The following GLRX2 variants were observed in gnomAD, a reference collection of about 807,000 sequenced individuals.
GLRX2 encodes the protein bA101E13.1 (GRX2 glutaredoxin (thioltransferase) 2).
GLRX2 carries 12 observed loss-of-function variants against 16.4 expected under a neutral mutation model. The observed-to-expected ratio is 0.73, with a 90% CI of 0.47 to 1.19. GLRX2 has a LOEUF of 1.19. Among genes scored for constraint, GLRX2 ranks in the 50% most tolerant of loss-of-function variants. The pLI, the probability that GLRX2 is intolerant of heterozygous loss-of-function variation, is 0.00. For missense variants in GLRX2, 201 were observed against 201.8 expected (o/e 1.00, Z 0.02); for synonymous variants, 95 against 76.2 (o/e 1.25, Z -1.28).
chr1:193,097,586 T>C lies in GLRX2; in HGVS notation c.358A>G (p.Thr120Ala). 1 of 1,604,882 alleles carries C rather than the reference T, an allele frequency of 6.2e-7. No homozygotes were observed. Among genetic ancestry groups the C allele is most frequent in the Non-Finnish European group, 8.5e-7 (1 of 1,176,140 alleles). The change falls in exon 3 of 4, where the codon ACT becomes GCT. Residue 120 changes from threonine to alanine, a missense_variant and splice_region_variant. Coordinates refer to ENST00000367439, the MANE Select transcript of GLRX2 (RefSeq NM_197962.3). ...DALYKMTGER[T>A]VPRIFVNGTF... ...AGCACCACAGAGGATATACTCACAGTTCTTTCACCAGTCATTTTGTAAAGA... is the reference window on the plus strand; with the variant it reads ...AGCACCACAGAGGATATACTCACAGCTCTTTCACCAGTCATTTTGTAAAGA...
At chr1:193,098,235 T>C (rs1002336274) in intron 2 of GLRX2, among the ~76,000 whole-genome samples, 1 of 152,176 alleles carries the variant, frequency 6.6e-6, no homozygotes, top group Non-Finnish European at 1.5e-5. Flanking sequence ...TCCAGATATT[T>C]AATCTCCATT....
intron 2 of GLRX2, among the ~76,000 whole-genome samples, 184 bp from the exon 3 acceptor site, chr1:193,097,944 AAAG>A (rs1421329272): frequency 1.3e-5 from 2 of 152,218 alleles, no homozygotes; most frequent in African/African-American, 4.8e-5. Flanking sequence ...TTATTAGAAA[AAAG>A]ATATAACAAA....
Position 193,096,596 on chromosome 1 carries a change from C to A in GLRX2, c.*29G>T, listed in dbSNP as rs1303665527. 1.5e-6 allele frequency: 2 copies of A among 1,376,404 alleles called. No individual in the cohort carries two copies. Among genetic ancestry groups the A allele is most frequent in the Non-Finnish European group, 2.0e-6 (2 of 984,164 alleles). 85.3% of individuals were successfully genotyped at this position (1,376,404 alleles called of 1,614,324 possible). A position where few individuals can be genotyped will look rare whatever the true frequency, so the allele number is the denominator to read the frequency against. ...GCATTACCACTTTAAATAACTGACA[C>A]TGTACTAGCAAACTTATTAGTATAA... On this transcript the variant is annotated 3_prime_UTR_variant, in exon 4 of 4. Coordinates refer to ENST00000367439, the MANE Select transcript of GLRX2 (RefSeq NM_197962.3).
rs1675174334 is a variant in GLRX2, at chr1:193,105,392, C to A, written c.-10G>T. ...CGCGGCGCCAAATCATGGTCAGAGC[C>A]CGGATCTGCAGCGAGCTCTACTGCC... On this transcript the variant is annotated 5_prime_UTR_variant, in exon 1 of 4. Transcript: ENST00000367439. 6.5e-7 allele frequency: 1 copy of A among 1,535,644 alleles called. No individual in the cohort carries two copies. The highest frequency in any genetic ancestry group is 8.7e-7 in the Non-Finnish European group (1 of 1,151,572).
chr1:193,097,357 C>A (rs1558265885), intron 3 of GLRX2, among the ~76,000 whole-genome samples: 1 of 152,172 alleles, frequency 6.6e-6, no homozygotes, highest in Admixed American at 6.5e-5. Flanking sequence ...GACAAGCACT[C>A]ATAATAACAC....
chr1:193,101,387 A>C (rs1301616871), intron 1 of GLRX2, among the ~76,000 whole-genome samples, 183 bp from the exon 2 acceptor site: 1 of 152,216 alleles, frequency 6.6e-6, no homozygotes, highest in Admixed American at 6.5e-5. Context: ...TAAAACCAAA[A>C]AGGCCTGTGT....
upstream of GLRX2, chr1:193,105,611 G>A (rs1363140678): frequency 2.5e-6 from 4 of 1,605,094 alleles, no homozygotes; most frequent in South Asian, 1.1e-5. Flanking sequence ...GGGGAGAAGC[G>A]GCTCACTTGC....
chr1:193,097,526 T>C (rs1674983758), intron 3 of GLRX2, 58 bp downstream of exon 3: 2 of 1,337,986 alleles, frequency 1.5e-6, no homozygotes, highest in African/African-American at 1.5e-5. Flanking sequence ...TTCTAGGCTC[T>C]GGGTGATCTA....
upstream of GLRX2, chr1:193,105,584 T>C: frequency 6.2e-7 from 1 of 1,607,820 alleles, no homozygotes; most frequent in Non-Finnish European, 8.5e-7. Context: ...GCCACCCACG[T>C]GTAAACATCC....
At chr1:193,102,936 G>A (rs565322003) in intron 1 of GLRX2, among the ~76,000 whole-genome samples, 3 of 152,176 alleles carry the variant, frequency 2.0e-5, no homozygotes, top group East Asian at 1.9e-4. Flanking sequence ...AGCTCCCCAC[G>A]CTTTAGTCAA....
At chr1:193,099,813 T>C (rs1287634992) in intron 2 of GLRX2, among the ~76,000 whole-genome samples, 4 of 152,188 alleles carry the variant, frequency 2.6e-5, no homozygotes, top group Non-Finnish European at 2.9e-5. Flanking sequence ...TGTTTACTAG[T>C]AATATTTAGT....
chr1:193,098,262 C>T (rs1238331406), intron 2 of GLRX2, among the ~76,000 whole-genome samples: 1 of 152,052 alleles, frequency 6.6e-6, no homozygotes, highest in East Asian at 1.9e-4. Flanking sequence ...CTTTTTCAGC[C>T]GGGTACAGTG....
intron 1 of GLRX2, 127 bp downstream of exon 1, chr1:193,105,137 G>A (rs1675160716): frequency 4.4e-6 from 6 of 1,351,350 alleles, no homozygotes; most frequent in South Asian, 1.6e-5. Flanking sequence ...ATGACTCAGA[G>A]CCCACGCGCT....
upstream of GLRX2, chr1:193,105,519 C>A: frequency 6.4e-7 from 1 of 1,552,386 alleles, no homozygotes. Context: ...CCGGTCACCT[C>A]CTCGCAGCTG....
In GLRX2 at chr1:193,096,646, AC is replaced by A. The variant is rs148511977; in HGVS notation, c.473del (p.Ser158IlefsTer22). On this transcript the variant is annotated frameshift_variant, in exon 4 of 4. Coordinates refer to ENST00000367439, the MANE Select transcript of GLRX2 (RefSeq NM_197962.3). LOFTEE classifies it high-confidence loss of function. ...AACATCACTGAAATTCTTTCCTCTT[AC>A]TTTTTTTTAAATAACACTGATGAAC... ...PLVHQCYLKK[S>X]KRKEFQ The A allele has an allele frequency of 1.3e-6, 2 of 1,589,204 alleles. No individual in the cohort carries two copies. Among genetic ancestry groups the A allele is most frequent in the Non-Finnish European group, 1.7e-6 (2 of 1,159,436 alleles).
At chr1:193,100,244 G>C (rs1208681237) in intron 2 of GLRX2, among the ~76,000 whole-genome samples, 2 of 152,182 alleles carry the variant, frequency 1.3e-5, no homozygotes, top group East Asian at 3.8e-4. Flanking sequence ...GGAGGCCGAG[G>C]CAGGTAGATT....
At chr1:193,105,418 G>T (rs540100178), upstream of GLRX2, 67 of 1,483,142 alleles carry the variant, frequency 4.5e-5, no homozygotes, top group Non-Finnish European at 5.3e-5. Flanking sequence ...CTCTACTGCC[G>T]GACACCGCGG....
At chr1:193,105,447 C>G, upstream of GLRX2, 2 of 1,449,732 alleles carry the variant, frequency 1.4e-6, no homozygotes, top group Non-Finnish European at 1.8e-6. Flanking sequence ...AGCCCGCCTC[C>G]TCCGGCCCGG....
upstream of GLRX2, chr1:193,105,462 C>T: frequency 6.9e-7 from 1 of 1,451,452 alleles, no homozygotes; most frequent in Non-Finnish European, 9.0e-7. Context: ...GCCCGGCCCC[C>T]GCCTTGCCCC....
Sources: allele counts gnomAD v4.1 joint callset (sites outside exome capture counted in the v4.1 genomes callset), GRCh38; gene constraint gnomAD v4.1.1; transcripts MANE v1.5; gene names NCBI Gene and HGNC (gene_info 2026-07-23, HGNC 2026-07-21).